ATF7IP2: variants seen among roughly 807,000 people sequenced by gnomAD.
ATF7IP2 encodes activating transcription factor 7-interacting protein 2.
ATF7IP2 carries 42 observed loss-of-function variants against 64.2 expected under a neutral mutation model. The ratio of observed to expected loss-of-function variants is 0.65; its 90% confidence interval spans 0.51 to 0.85. The LOEUF is 0.85. Among genes scored for constraint, ATF7IP2 ranks in the 40% least tolerant of loss-of-function variants. The pLI, the probability that ATF7IP2 is intolerant of heterozygous loss-of-function variation, is 0.00. For missense variants in ATF7IP2, 933 were observed against 784.2 expected (o/e 1.19, Z -2.27); for synonymous variants, 308 against 272.8 (o/e 1.13, Z -1.27).
At chr16:10,413,678 T>C (rs1203333615) in intron 1 of ATF7IP2, among the ~76,000 whole-genome samples, 2 of 152,212 alleles carry the variant, frequency 1.3e-5, no homozygotes. Flanking sequence ...TTTCCGAGAT[T>C]TGTTTCAAGA....
In ATF7IP2 at chr16:10,482,212, T is replaced by C; in HGVS notation, c.2012T>C (p.Ile671Thr). The change falls in exon 14 of 14, where the codon ATA becomes ACA. Residue 671 changes from isoleucine to threonine, a missense_variant. Ile to Thr is a moderately conservative substitution (Grantham distance 89, BLOSUM62 -1). Transcript: ENST00000562102. ...GGACGATATGGACCATTCTGTGATA[T>C]AAAATCTATCCCTGGGTTTTCTGAA... ...IFGRYGPFCD[I>T]KSIPGFSENL... 1 of 1,604,416 alleles carries C rather than the reference T, an allele frequency of 6.2e-7. No individual in the cohort carries two copies. The highest frequency in any genetic ancestry group is 8.5e-7 in the Non-Finnish European group (1 of 1,176,454).
At chr16:10,408,529 C>T (rs574773607) in intron 1 of ATF7IP2, among the ~76,000 whole-genome samples, 1 of 152,262 alleles carries the variant, frequency 6.6e-6, no homozygotes, top group South Asian at 2.1e-4. Context: ...TGATTATGGC[C>T]ATTGCAGGAG....
intron 8 of ATF7IP2, among the ~76,000 whole-genome samples, chr16:10,456,524 G>A (rs747364144): frequency 1.3e-5 from 2 of 152,080 alleles, no homozygotes; most frequent in Non-Finnish European, 2.9e-5. Context: ...TTCAATGACA[G>A]TTTACTTTTC....
intron 7 of ATF7IP2, among the ~76,000 whole-genome samples, 162 bp from the exon 8 acceptor site, chr16:10,440,202 C>G (rs917074741): frequency 6.6e-6 from 1 of 152,104 alleles, no homozygotes; most frequent in Non-Finnish European, 1.5e-5. Flanking sequence ...ATATGTTATA[C>G]AAGCATAAAA....
At chr16:10,434,678 G>T (rs2048361032) in intron 6 of ATF7IP2, among the ~76,000 whole-genome samples, 1 of 152,186 alleles carries the variant, frequency 6.6e-6, no homozygotes, top group South Asian at 2.1e-4. Flanking sequence ...GGCAGGGAAA[G>T]GGTAGAAGTA....
intron 12 of ATF7IP2, among the ~76,000 whole-genome samples, chr16:10,475,818 T>A (rs2049989376): frequency 7.0e-6 from 1 of 143,250 alleles, no homozygotes; most frequent in South Asian, 2.2e-4. Flanking sequence ...ACACTGATAA[T>A]AAATGTAAAT....
chr16:10,407,917 C>CA (rs1202938243), intron 1 of ATF7IP2, among the ~76,000 whole-genome samples: 4 of 144,590 alleles, frequency 2.8e-5, no homozygotes, highest in Admixed American at 6.9e-5. Flanking sequence ...TTCTTTCTTT[C>CA]TTTTTTTTTT....
At chr16:10,416,420 A>G (rs1038993852) in intron 2 of ATF7IP2, among the ~76,000 whole-genome samples, 1 of 152,204 alleles carries the variant, frequency 6.6e-6, no homozygotes, top group African/African-American at 2.4e-5. Context: ...TGTGGTGAGA[A>G]TAGAAGGATG....
At chr16:10,470,350 A>T (rs2049745875) in intron 9 of ATF7IP2, among the ~76,000 whole-genome samples, 1 of 152,194 alleles carries the variant, frequency 6.6e-6, no homozygotes, top group Admixed American at 6.5e-5. Context: ...CTAAAACTAC[A>T]AAGTATTACT....
intron 5 of ATF7IP2, among the ~76,000 whole-genome samples, chr16:10,433,230 G>C (rs951071741): frequency 1.3e-5 from 2 of 151,992 alleles, no homozygotes; most frequent in Non-Finnish European, 2.9e-5. Flanking sequence ...CCAGGCTAGA[G>C]TGCAGTAGTC....
intron 6 of ATF7IP2, among the ~76,000 whole-genome samples, chr16:10,437,405 AC>A (rs1418328731): frequency 2.0e-5 from 3 of 152,134 alleles, no homozygotes; most frequent in Non-Finnish European, 4.4e-5. Flanking sequence ...TAAGAAAGCC[AC>A]CCCCTAAAAC....
At chr16:10,393,680 T>C (rs895853098) in intron 1 of ATF7IP2, among the ~76,000 whole-genome samples, 1 of 152,182 alleles carries the variant, frequency 6.6e-6, no homozygotes, top group Non-Finnish European at 1.5e-5. Context: ...ATCTTTGACC[T>C]AGGATATTTT....
intron 9 of ATF7IP2, among the ~76,000 whole-genome samples, chr16:10,465,889 A>G (rs977558954): frequency 6.6e-6 from 1 of 152,144 alleles, no homozygotes; most frequent in Non-Finnish European, 1.5e-5. Context: ...TAACAGCTTT[A>G]TATACAGACA....
chr16:10,421,454 G>A (rs1335074238), intron 3 of ATF7IP2, among the ~76,000 whole-genome samples: 1 of 152,168 alleles, frequency 6.6e-6, no homozygotes, highest in African/African-American at 2.4e-5. Context: ...CGTGGCATAG[G>A]TAGGAATGCC....
chr16:10,447,077 A>G (rs1038522711), intron 8 of ATF7IP2: 1 of 152,208 alleles, frequency 6.6e-6, no homozygotes, highest in African/African-American at 2.4e-5. Flanking sequence ...AAGGGCCGCC[A>G]TAAGCCATAT....
chr16:10,450,281 T>A (rs2048942255), intron 8 of ATF7IP2, among the ~76,000 whole-genome samples: 1 of 152,204 alleles, frequency 6.6e-6, no homozygotes, highest in Admixed American at 6.5e-5. Flanking sequence ...CTGAGAAGAA[T>A]GTATATTCTA....
chr16:10,421,686 A>G (rs1216406380), intron 3 of ATF7IP2, among the ~76,000 whole-genome samples: 5 of 152,242 alleles, frequency 3.3e-5, no homozygotes, highest in Non-Finnish European at 5.9e-5. Context: ...GATTGGAGTA[A>G]TAATTCTCTA....
At chr16:10,479,956 T>G (rs1054978736) in intron 12 of ATF7IP2, among the ~76,000 whole-genome samples, 3 of 125,582 alleles carry the variant, frequency 2.4e-5, no homozygotes, top group Non-Finnish European at 5.0e-5. Context: ...GAACTGGAAA[T>G]ACTTTTTTTT....
chr16:10,481,770 A>G (rs1293666158), intron 13 of ATF7IP2, 66 bp from the exon 14 acceptor site: 3 of 1,300,908 alleles, frequency 2.3e-6, no homozygotes. Context: ...AGAATGAGAA[A>G]TATATATTTC....
Sources: allele counts gnomAD v4.1 joint callset (sites outside exome capture counted in the v4.1 genomes callset), GRCh38; gene constraint gnomAD v4.1.1; transcripts MANE v1.5; gene names NCBI Gene and HGNC (gene_info 2026-07-23, HGNC 2026-07-21).